Variants in SUCO observed in about 807,000 individuals in gnomAD.
The protein encoded by SUCO is SUN domain containing ossification factor.
SUCO carries 57 observed loss-of-function variants against 148.1 expected under a neutral mutation model. The observed-to-expected ratio is 0.38, with a 90% CI of 0.31 to 0.48. SUCO has a LOEUF of 0.48. SUCO is among the 20% of genes least tolerant of loss of function. The probability of loss-of-function intolerance (pLI) is 0.96; values close to 1 mark genes in which losing one functional copy is unlikely to be tolerated. For missense variants in SUCO, 1,331 were observed against 1,468.2 expected (o/e 0.91, Z 1.53); for synonymous variants, 470 against 502.7 (o/e 0.93, Z 0.87).
At chr1:172,554,593 C>T (rs559091427) in intron 3 of SUCO, among the ~76,000 whole-genome samples, 1 of 152,094 alleles carries the variant, frequency 6.6e-6, no homozygotes, top group Non-Finnish European at 1.5e-5. Flanking sequence ...AAAAATTAGC[C>T]AGGTGTGGTG....
intron 7 of SUCO, among the ~76,000 whole-genome samples, chr1:172,569,786 A>G (rs960535782): frequency 2.0e-5 from 3 of 152,172 alleles, no homozygotes; most frequent in Non-Finnish European, 2.9e-5. Flanking sequence ...TCTCATGGAC[A>G]AGCTTCATTT....
intron 8 of SUCO, 129 bp downstream of exon 8, chr1:172,570,300 A>G: frequency 1.8e-6 from 1 of 544,346 alleles, no homozygotes; most frequent in African/African-American, 2.0e-5. Flanking sequence ...AAAGCAGAAT[A>G]TACTTTTCAA....
chr1:172,564,655 A>G (rs1295870756), intron 6 of SUCO, among the ~76,000 whole-genome samples: 2 of 151,940 alleles, frequency 1.3e-5, no homozygotes, highest in African/African-American at 4.8e-5. Flanking sequence ...TCTTTACAGC[A>G]ATGTGAGAAT....
At chr1:172,569,969 A>T in intron 7 of SUCO, 78 bp from the exon 8 acceptor site, 1 of 1,217,980 alleles carries the variant, frequency 8.2e-7, no homozygotes, top group Non-Finnish European at 1.0e-6. Flanking sequence ...TGCTTTGGAG[A>T]TCAGTGTTGC....
In SUCO at chr1:172,578,228, T is replaced by C. The variant is rs925988605; in HGVS notation, c.1341-70T>C. 7.7e-6 allele frequency: 9 copies of C among 1,171,594 alleles called. No homozygotes were observed. In the African/African-American group the frequency reaches 1.4e-4, roughly 18 times the overall value. The allele number at this position is 1,171,594 out of a possible 1,614,324, so 72.6% of individuals were successfully genotyped here. On this transcript the variant is annotated intron_variant, in intron 13 of 23. Coordinates refer to ENST00000263688, the MANE Select transcript of SUCO (RefSeq NM_014283.5). ...ATATGACCAAAGTTGATGTTTGTCA[T>C]TTATTGTGAAGAGATTAGTCTTAAC... is the stretch of plus-strand genomic sequence containing the variant.
intron 7 of SUCO, 84 bp from the exon 8 acceptor site, chr1:172,569,963 T>G: frequency 8.4e-7 from 1 of 1,196,798 alleles, no homozygotes; most frequent in Non-Finnish European, 1.1e-6. Flanking sequence ...GCTTATTGCT[T>G]TGGAGATCAG....
At chr1:172,532,637 A>G (rs1410479570), upstream of SUCO, 1 of 1,613,958 alleles carries the variant, frequency 6.2e-7, no homozygotes, top group East Asian at 2.2e-5. Context: ...ACAGTGCAAC[A>G]GTTCCAAAGC....
intron 6 of SUCO, among the ~76,000 whole-genome samples, chr1:172,567,906 A>T (rs1006215612): frequency 6.6e-6 from 1 of 152,206 alleles, no homozygotes; most frequent in Admixed American, 6.5e-5. Flanking sequence ...CAGGCCACAG[A>T]CCAGCACCAG....
chr1:172,561,646 C>T (rs530773914), intron 6 of SUCO, among the ~76,000 whole-genome samples: 6 of 152,138 alleles, frequency 3.9e-5, no homozygotes, highest in Admixed American at 6.5e-5. Context: ...CTAAAGTGAT[C>T]GAAAAGAAGT....
intron 19 of SUCO, among the ~76,000 whole-genome samples, chr1:172,595,745 A>G (rs888682912): frequency 6.6e-6 from 1 of 152,040 alleles, no homozygotes; most frequent in African/African-American, 2.4e-5. Context: ...GAATCTGACA[A>G]TTATGTGTCT....
chr1:172,547,328 T>C (rs1429075846), intron 1 of SUCO, among the ~76,000 whole-genome samples: 1 of 152,244 alleles, frequency 6.6e-6, no homozygotes, highest in Non-Finnish European at 1.5e-5. Flanking sequence ...TTTTCGCTAT[T>C]AGGAGTAAAA....
intron 22 of SUCO, among the ~76,000 whole-genome samples, chr1:172,607,610 T>G (rs1460275748): frequency 2.0e-5 from 3 of 151,878 alleles, no homozygotes; most frequent in Non-Finnish European, 4.4e-5. Flanking sequence ...CACTTTTCTT[T>G]CAGTTTTAGC....
chr1:172,600,042 A>G, intron 19 of SUCO, 22 bp from the exon 20 acceptor site: 2 of 1,525,770 alleles, frequency 1.3e-6, no homozygotes, highest in Non-Finnish European at 1.8e-6. Flanking sequence ...TATTCAAAAA[A>G]AAATAAATTC....
chr1:172,550,554 T>C (rs533259258), intron 1 of SUCO, among the ~76,000 whole-genome samples: 1 of 152,118 alleles, frequency 6.6e-6, no homozygotes, highest in South Asian at 2.1e-4. Context: ...CACTCATTGT[T>C]TGGAACTACA....
At chr1:172,575,991 ACT>A (rs918670205) in intron 11 of SUCO, among the ~76,000 whole-genome samples, 2 of 151,798 alleles carry the variant, frequency 1.3e-5, no homozygotes, top group African/African-American at 4.8e-5. Flanking sequence ...TTCTTGTTAG[ACT>A]CTGATTCTTA....
intron 22 of SUCO, among the ~76,000 whole-genome samples, chr1:172,604,284 T>A (rs1657717821): frequency 6.6e-6 from 1 of 151,914 alleles, no homozygotes; most frequent in African/African-American, 2.4e-5. Context: ...TAGAATTACT[T>A]CTATTTTAAA....
chr1:172,561,159 G>T (rs879541352), intron 6 of SUCO, among the ~76,000 whole-genome samples: 16 of 152,226 alleles, frequency 1.1e-4, no homozygotes, highest in Non-Finnish European at 1.8e-4. Context: ...TCAGAGCATT[G>T]CAGGGAAACT....
chr1:172,588,648 T>G, intron 17 of SUCO, 112 bp from the exon 18 acceptor site: 1 of 1,262,020 alleles, frequency 7.9e-7, no homozygotes, highest in Non-Finnish European at 1.0e-6. Flanking sequence ...ACAAATTTCT[T>G]CTATATTTCC....
intron 22 of SUCO, among the ~76,000 whole-genome samples, chr1:172,606,611 C>A (rs1657884791): frequency 6.6e-6 from 1 of 151,712 alleles, no homozygotes; most frequent in Admixed American, 6.6e-5. Context: ...TAAATTTACC[C>A]CACGTTTACT....
Sources: gnomAD v4.1 joint callset for allele counts (sites outside exome capture counted in the v4.1 genomes callset) on GRCh38, gnomAD v4.1.1 for gene constraint, MANE v1.5 for transcripts, NCBI Gene and HGNC (gene_info 2026-07-23, HGNC 2026-07-21) for gene names.